Variants in NLGN3 observed in about 807,000 individuals in gnomAD.
NLGN3 encodes neuroligin-3.
A neutral mutation model predicts 42.9 loss-of-function variants in NLGN3; 11 were observed. The ratio of observed to expected loss-of-function variants is 0.26; its 90% CI spans 0.16 to 0.42. NLGN3 has a LOEUF of 0.42. NLGN3 is among the 10% of genes least tolerant of loss of function. The probability of loss-of-function intolerance (pLI) is 1.00; values close to 1 mark genes in which losing one functional copy is unlikely to be tolerated. For synonymous variants in NLGN3, 279 were observed against 312.7 expected, an observed-to-expected ratio of 0.89 and a Z score of 1.14; for missense variants, 374 against 733.8, an observed-to-expected ratio of 0.51 and a Z score of 5.67.
intron 3 of NLGN3, among the ~76,000 whole-genome samples, chrX:71,151,325 A>AG (rs1285762993): frequency 2.7e-5 from 3 of 111,537 alleles, no homozygotes; most frequent in Non-Finnish European, 5.7e-5. Flanking sequence ...AGAAAAAAAA[A>AG]AAACTCAGCT....
At chrX:71,165,979 C>T (rs764242706) in intron 6 of NLGN3, among the ~76,000 whole-genome samples, 2 of 111,600 alleles carry the variant, frequency 1.8e-5, no homozygotes, top group East Asian at 5.6e-4. Context: ...CTGGCTTTCT[C>T]TTAAAGGAAT....
downstream of NLGN3, among the ~76,000 whole-genome samples, chrX:71,172,831 T>C (rs1467563314): frequency 2.7e-5 from 3 of 111,527 alleles, no homozygotes; most frequent in Non-Finnish European, 5.6e-5. Context: ...TCAAGTGAAA[T>C]ACAAGGAATA....
rs2092375521 is a variant in NLGN3, at chrX:71,147,684, G to C, written c.-66G>C. 1.0e-6 allele frequency: 1 copy of C among 976,411 alleles called. No homozygotes were observed. 80.5% of individuals were successfully genotyped at this position (976,411 alleles called of 1,213,427 possible). A position where few individuals can be genotyped will look rare whatever the true frequency, so the allele number is the denominator to read the frequency against. On this transcript the variant is annotated 5_prime_UTR_variant, in exon 2 of 8. Coordinates refer to ENST00000358741, the MANE Select transcript of NLGN3 (RefSeq NM_181303.2). The stretch of plus-strand genomic sequence containing the variant: ...TTCAAGTCAGTGTGGCCATGAAGGG[G>C]CTGCCTATTGGGCTGATGCTGTGAC...
intron 7 of NLGN3, among the ~76,000 whole-genome samples, chrX:71,168,821 A>AAAAGAAAGAAAGAAAGAAAGAAAG (rs201934142): frequency 2.7e-4 from 19 of 69,357 alleles, no homozygotes; most frequent in Admixed American, 5.7e-4. Flanking sequence ...AGAGAAAAAA[A>AAAAGAAAGAAAGAAAGAAAGAAAG]AAAGAAAGAA....
Position 71,169,247 on chromosome X carries a change from A to G in NLGN3, c.1704-7A>G, listed in dbSNP as rs768983401. Reference sequence around the variant, plus strand: ...TGGTGACCCCAGATTTCCATGTGGTATTTCAGGGATCCCAACAAGCCGGTC... The same window carrying G: ...TGGTGACCCCAGATTTCCATGTGGTGTTTCAGGGATCCCAACAAGCCGGTC... On this transcript the variant is annotated splice_polypyrimidine_tract_variant and splice_region_variant and intron_variant, in intron 7 of 7. Transcript: ENST00000358741. 5 of 1,207,977 alleles carry G rather than the reference A, an allele frequency of 4.1e-6. No homozygotes were observed.
intron 1 of NLGN3, among the ~76,000 whole-genome samples, chrX:71,146,162 CACACACACAG>C (rs1462635125): frequency 0.011 from 567 of 53,495 alleles, 9 homozygotes; most frequent in African/African-American, 0.045. Context: ...CTCACACACA[CACACACACAG>C]ACACACACAC....
Position 71,169,604 on chromosome X carries a change from G to A in NLGN3, c.2054G>A (p.Gly685Glu). ...SPAYSNENAQ[G>E]SWNGDQDAGP... ...GCCTACAGCAACGAGAATGCCCAGGGGTCCTGGAACGGGGACCAGGATGCA... is the reference window on the plus strand; with the variant it reads ...GCCTACAGCAACGAGAATGCCCAGGAGTCCTGGAACGGGGACCAGGATGCA... Residue 685 changes from glycine to glutamate, a missense_variant, in exon 8 of 8, where the codon GGG becomes GAG. Physicochemically the swap from Gly to Glu is moderately conservative, Grantham distance 98. Coordinates refer to ENST00000358741, the MANE Select transcript of NLGN3 (RefSeq NM_181303.2). The A allele has an allele frequency of 2.5e-6, 3 of 1,211,789 alleles. No homozygotes were observed. Among genetic ancestry groups the A allele is most frequent in the Non-Finnish European group, 3.4e-6 (3 of 895,305 alleles).
chrX:71,169,695 G>A lies in NLGN3; in HGVS notation c.2145G>A (p.Gly715=), dbSNP rs1444036815. Residue 715 remains glycine (G), a synonymous_variant, in exon 8 of 8, where the codon GGG becomes GGA. Coordinates refer to ENST00000358741, the MANE Select transcript of NLGN3 (RefSeq NM_181303.2). ...AATTAAGTGTCACCATCGCCGTGGG[G>A]GCCTCCCTCCTGTTCCTTAACGTTC... is the stretch of plus-strand genomic sequence containing the variant. The part of the protein sequence containing the change: ...STELSVTIAV[G]ASLLFLNVLA... The A allele has an allele frequency of 8.3e-7, 1 of 1,211,763 alleles. No homozygotes were observed. Among genetic ancestry groups the A allele is most frequent in the Admixed American group, 2.2e-5 (1 of 46,113 alleles).
In NLGN3 at chrX:71,169,578, T is replaced by C. The variant is rs1278676208; in HGVS notation, c.2028T>C (p.Pro676=). 8.3e-7 allele frequency: 1 copy of C among 1,211,639 alleles called. No individual in the cohort carries two copies. The highest frequency in any genetic ancestry group is 1.1e-6 in the Non-Finnish European group (1 of 895,185). Residue 676 remains proline, a synonymous_variant, in exon 8 of 8, where the codon CCT becomes CCC. Coordinates refer to ENST00000358741, the MANE Select transcript of NLGN3 (RefSeq NM_181303.2). ...GCACCAAGCGGCCAGCCATCTCACCTGCCTACAGCAACGAGAATGCCCAGG... is the reference window on the plus strand; with the variant it reads ...GCACCAAGCGGCCAGCCATCTCACCCGCCTACAGCAACGAGAATGCCCAGG... The part of the protein sequence containing the change: ...TWSTKRPAIS[P]AYSNENAQGS...
chrX:71,155,309 G>A lies in NLGN3; in HGVS notation c.673G>A (p.Ala225Thr), dbSNP rs1237422433. Residue 225 changes from alanine to threonine, a missense_variant, in exon 5 of 8, where the codon GCC becomes ACC. Around this residue, in one of 6 missense-constraint regions of NLGN3, gnomAD observed 3 missense variants for 26.7 expected, o/e 0.11. Coordinates refer to ENST00000358741, the MANE Select transcript of NLGN3 (RefSeq NM_181303.2). ...CAACATGATTGATGGCAGCATCCTCGCCAGTTATGGCAATGTCATCGTCAT... is the reference window on the plus strand; with the variant it reads ...CAACATGATTGATGGCAGCATCCTCACCAGTTATGGCAATGTCATCGTCAT... ...TGNMIDGSIL[A>T]SYGNVIVITL... 4.1e-6 allele frequency: 5 copies of A among 1,212,109 alleles called. No homozygotes were observed. Among genetic ancestry groups the A allele is most frequent in the Non-Finnish European group, 4.5e-6 (4 of 895,489 alleles).
intron 6 of NLGN3, among the ~76,000 whole-genome samples, chrX:71,166,700 A>G (rs1241392778): frequency 9.0e-6 from 1 of 111,708 alleles, no homozygotes; most frequent in African/African-American, 3.3e-5. Flanking sequence ...CAAGAGGGGA[A>G]GACAAGGAGA....
chrX:71,153,625 T>C (rs1324405783), intron 4 of NLGN3, 89 bp downstream of exon 4: 1 of 857,717 alleles, frequency 1.2e-6, no homozygotes, highest in Admixed American at 2.6e-5. Flanking sequence ...TGTCTGTCTG[T>C]CTGTCCGTTG....
intron 4 of NLGN3, 56 bp from the exon 5 acceptor site, chrX:71,155,158 G>A: frequency 1.7e-6 from 2 of 1,198,966 alleles, no homozygotes; most frequent in Non-Finnish European, 2.3e-6. Flanking sequence ...GGGCTGGCAG[G>A]GGTGGGGGAG....
At chrX:71,156,242 G>A (rs998904137) in intron 5 of NLGN3, among the ~76,000 whole-genome samples, 7 of 90,374 alleles carry the variant, frequency 7.7e-5, no homozygotes, top group Admixed American at 3.8e-4. Context: ...ACCTACACAC[G>A]CCCGTATCCC....
intron 4 of NLGN3, 105 bp downstream of exon 4, chrX:71,153,641 T>C: frequency 1.3e-6 from 1 of 781,730 alleles, no homozygotes; most frequent in Non-Finnish European, 1.9e-6. Context: ...CGTTGGTGTG[T>C]TTCTGTTCCT....
chrX:71,169,281 C>A lies in NLGN3; in HGVS notation c.1731C>A (p.Asp577Glu). 1 of 1,211,071 alleles carries A rather than the reference C, an allele frequency of 8.3e-7. No individual in the cohort carries two copies. The highest frequency in any genetic ancestry group is 1.1e-6 in the Non-Finnish European group (1 of 895,281). ...ATCCCAACAAGCCGGTCCCCCAGGA[C>A]ACCAAGTTCATTCACACCAAGGCCA... ...TGDPNKPVPQ[D>E]TKFIHTKANR... Residue 577 changes from aspartate to glutamate, a missense_variant, in exon 8 of 8, where the codon GAC becomes GAA. By Grantham distance (45) the Asp-to-Glu change is conservative (BLOSUM62 2). Transcript: ENST00000358741.
chrX:71,169,791 G>A lies in NLGN3; in HGVS notation c.2241G>A (p.Gln747=). 9.9e-6 allele frequency: 12 copies of A among 1,209,851 alleles called. No homozygotes were observed. Among genetic ancestry groups the A allele is most frequent in the Non-Finnish European group, 1.3e-5 (12 of 894,503 alleles). ...AGCCCCTGCGGCAGCCTAGCCCTCA[G>A]CGGGGAGCCGGGGCCCCGGAGTTGG... The part of the protein sequence containing the change: ...RQEPLRQPSP[Q]RGAGAPELGA... Residue 747 remains glutamine, a synonymous_variant, in exon 8 of 8, where the codon CAG becomes CAA. Transcript: ENST00000358741.
In NLGN3 at chrX:71,170,488, C is replaced by T; in HGVS notation, c.*391C>T. ...CCTCTCTTGGAACTGCACCACCGAC[C>T]AACTCCAGACTTGGGAGCTTTAAAG... On this transcript the variant is annotated 3_prime_UTR_variant, in exon 8 of 8. Coordinates refer to ENST00000358741, the MANE Select transcript of NLGN3 (RefSeq NM_181303.2). 1 of 874,249 alleles carries T rather than the reference C, an allele frequency of 1.1e-6. No homozygotes were observed. Among genetic ancestry groups the T allele is most frequent in the Non-Finnish European group, 1.4e-6 (1 of 714,065 alleles). The allele number at this position is 874,249 out of a possible 1,213,427, so 72.0% of individuals were successfully genotyped here. A position where few individuals can be genotyped will look rare whatever the true frequency, so the allele number is the denominator to read the frequency against.
At chrX:71,166,954 G>A in intron 6 of NLGN3, 57 bp from the exon 7 acceptor site, 1 of 1,034,355 alleles carries the variant, frequency 9.7e-7, no homozygotes. Context: ...GGAATGAAGA[G>A]ATTTATGGCT....
Sources: allele counts gnomAD v4.1 joint callset (sites outside exome capture counted in the v4.1 genomes callset), GRCh38; gene constraint gnomAD v4.1.1; regional missense constraint gnomAD v4.1.1; transcripts MANE v1.5; gene names NCBI Gene and HGNC (gene_info 2026-07-23, HGNC 2026-07-21).